Variants in OPCML observed in about 807,000 individuals in gnomAD.
OPCML encodes opioid-binding protein/cell adhesion molecule.
A neutral mutation model predicts 37.8 loss-of-function variants in OPCML; 13 were observed. The observed-to-expected ratio is 0.34, with a 90% CI of 0.22 to 0.55. The LOEUF (loss-of-function observed/expected upper bound fraction) is 0.55. Ranked by LOEUF, OPCML falls within the 20% of genes least tolerant of loss-of-function variation. The probability of loss-of-function intolerance (pLI) is 0.91; values close to 1 mark genes in which losing one functional copy is unlikely to be tolerated. For missense variants in OPCML, 341 were observed against 435.6 expected (o/e 0.78, Z 1.93); for synonymous variants, 176 against 168.8 (o/e 1.04, Z -0.33).
chr11:133,275,571 C>T (rs1941969664), intron 1 of OPCML, among the ~76,000 whole-genome samples: 1 of 152,174 alleles, frequency 6.6e-6, no homozygotes, highest in African/African-American at 2.4e-5. Context: ...AATGTTAACA[C>T]TGTCCATCTT....
At chr11:132,950,097 A>G (rs910335881) in intron 1 of OPCML, among the ~76,000 whole-genome samples, 18 of 152,338 alleles carry the variant, frequency 1.2e-4, no homozygotes, top group African/African-American at 3.8e-4. Context: ...TGGGCCTTGA[A>G]GGTCACAGTA....
chr11:133,257,982 C>T (rs1022588199), intron 1 of OPCML, among the ~76,000 whole-genome samples: 5 of 151,996 alleles, frequency 3.3e-5, no homozygotes, highest in Admixed American at 2.6e-4. Flanking sequence ...CAGATTTATT[C>T]TAAGATTGTA....
rs1374082706 is a variant in OPCML, at chr11:133,346,322, T to C, written c.61+185942A>G. Among the ~76,000 whole-genome samples, 3 of 152,338 alleles carry C rather than the reference T, an allele frequency of 2.0e-5. No homozygotes were observed. The East Asian group carries it at 5.8e-4, about 29-fold the overall frequency. On this transcript the variant is annotated intron_variant, in intron 1 of 7. Transcript: ENST00000524381. ...CAGCATCCCTGAATGCCAAGCGGGATGCTCAAGTCAGCCAAATCCCTCCTG... is the reference window on the plus strand; with the variant it reads ...CAGCATCCCTGAATGCCAAGCGGGACGCTCAAGTCAGCCAAATCCCTCCTG...
rs1014081842 is a variant in OPCML at position 132,939,929 on chromosome 11, C to T, written c.146+2997G>A. Among the ~76,000 whole-genome samples, 4 of 152,304 alleles carry T rather than the reference C, an allele frequency of 2.6e-5. No homozygotes were observed. The East Asian group carries it at 7.7e-4, about 29-fold the overall frequency. On this transcript the variant is annotated intron_variant, in intron 2 of 7. Coordinates refer to ENST00000524381, the MANE Select transcript of OPCML (RefSeq NM_001012393.5). ...CAGATTCATGGAAGCTATAATTCAA[C>T]CATAGTGAAGAGCACCTTCATTTTC...
At position 132,472,756 on chromosome 11, in the gene OPCML, C is replaced by A. The variant is rs140397955; in HGVS notation, c.506-35397G>T. Among the ~76,000 whole-genome samples the A allele has an allele frequency of 2.2e-3, 340 of 152,324 alleles. 1 individual carries two copies. The highest frequency in any genetic ancestry group is 7.8e-3 in the African/African-American group (323 of 41,574). On this transcript the variant is annotated intron_variant, in intron 4 of 7. Coordinates refer to ENST00000524381, the MANE Select transcript of OPCML (RefSeq NM_001012393.5). The stretch of plus-strand genomic sequence containing the variant: ...TCTCCCCACTGGGACCCACAGTCCC[C>A]AGCACAAGTGCTCTGTGCATCGTCA...
intron 2 of OPCML, among the ~76,000 whole-genome samples, chr11:132,769,286 G>C (rs1474028084): frequency 6.7e-6 from 1 of 149,148 alleles, no homozygotes. Context: ...TGCCCAGGCT[G>C]GAGTGCAGTG....
chr11:132,472,560 T>C (rs964962223), intron 4 of OPCML, among the ~76,000 whole-genome samples: 6 of 152,264 alleles, frequency 3.9e-5, no homozygotes, highest in African/African-American at 1.4e-4. Context: ...CATTCTCTTC[T>C]GTAATTCTGC....
At chr11:132,716,392 ATCTATCTATCTATCTGTCTG>A (rs1248047711) in intron 2 of OPCML, among the ~76,000 whole-genome samples, 1,548 of 47,060 alleles carry the variant, frequency 0.033, 20 homozygotes, top group African/African-American at 0.16. Flanking sequence ...CTGTCTATTT[ATCTATCTATCTATCTGTCTG>A]TCTATCTATC....
At chr11:132,638,198 G>C (rs1051716889) in intron 3 of OPCML, among the ~76,000 whole-genome samples, 1 of 93,802 alleles carries the variant, frequency 1.1e-5, no homozygotes, top group African/African-American at 3.4e-5. Context: ...CAGAGAGAGA[G>C]AGAGCATATA....
At chr11:132,699,402 A>C (rs1290776587) in intron 2 of OPCML, among the ~76,000 whole-genome samples, 7 of 152,104 alleles carry the variant, frequency 4.6e-5, no homozygotes, top group African/African-American at 1.7e-4. Flanking sequence ...TAAAAGAGAT[A>C]GATGGACATC....
At chr11:132,790,579 C>T (rs920660711) in intron 2 of OPCML, among the ~76,000 whole-genome samples, 1 of 152,232 alleles carries the variant, frequency 6.6e-6, no homozygotes, top group Non-Finnish European at 1.5e-5. Context: ...AAGACTGTCT[C>T]AGTGACTGAG....
chr11:132,898,054 C>T (rs1483119915), intron 2 of OPCML, among the ~76,000 whole-genome samples: 2 of 152,094 alleles, frequency 1.3e-5, no homozygotes, highest in Admixed American at 1.3e-4. Flanking sequence ...AACAAAGTGG[C>T]TATGGTGGTA....
intron 3 of OPCML, among the ~76,000 whole-genome samples, chr11:132,646,637 G>A (rs1941165250): frequency 6.6e-6 from 1 of 152,156 alleles, no homozygotes. Flanking sequence ...GACGTTATTG[G>A]ACATGACATT....
chr11:133,515,353 T>C (rs111557182), intron 1 of OPCML, among the ~76,000 whole-genome samples: 1,642 of 152,320 alleles, frequency 0.011, 27 homozygotes, highest in African/African-American at 0.037. Context: ...TGGCTGTGTC[T>C]AGAGACATCT....
At chr11:132,787,326 C>T (rs1167651070) in intron 2 of OPCML, among the ~76,000 whole-genome samples, 2 of 152,094 alleles carry the variant, frequency 1.3e-5, no homozygotes, top group African/African-American at 4.8e-5. Context: ...TTATCCGAAA[C>T]AAAAATGTGT....
intron 2 of OPCML, among the ~76,000 whole-genome samples, chr11:132,744,840 T>C (rs1185152712): frequency 6.6e-6 from 1 of 152,218 alleles, no homozygotes; most frequent in African/African-American, 2.4e-5. Context: ...AAATACTCTC[T>C]AGAGGCCACA....
intron 1 of OPCML, among the ~76,000 whole-genome samples, chr11:133,034,884 C>T (rs1746122693): frequency 6.8e-6 from 1 of 147,684 alleles, no homozygotes; most frequent in African/African-American, 2.4e-5. Flanking sequence ...CATCCATGCT[C>T]TAATAGCGCT....
chr11:132,993,913 G>C (rs1490060940), intron 1 of OPCML, among the ~76,000 whole-genome samples: 2 of 152,130 alleles, frequency 1.3e-5, no homozygotes, highest in African/African-American at 4.8e-5. Context: ...AGGAAAAAAA[G>C]AGGCCCTCTA....
At chr11:132,977,813 T>C (rs1391589842) in intron 1 of OPCML, among the ~76,000 whole-genome samples, 2 of 152,216 alleles carry the variant, frequency 1.3e-5, no homozygotes, top group African/African-American at 4.8e-5. Context: ...CTTAATGCTA[T>C]GGAGAATAGG....
Sources: allele counts gnomAD v4.1 joint callset (sites outside exome capture counted in the v4.1 genomes callset), GRCh38; gene constraint gnomAD v4.1.1; transcripts MANE v1.5; gene names NCBI Gene and HGNC (gene_info 2026-07-23, HGNC 2026-07-21).